Variants in MAP7 observed in about 807,000 individuals in gnomAD.
MAP7 encodes ensconsin.
A neutral mutation model predicts 94.8 loss-of-function variants in MAP7; 52 were observed. The observed-to-expected ratio is 0.55, with a 90% CI of 0.44 to 0.69. MAP7 has a LOEUF of 0.69. Ranked by LOEUF, MAP7 falls within the 30% of genes least tolerant of loss-of-function variation. The probability of loss-of-function intolerance (pLI) is 0.00; values close to 1 mark genes in which losing one functional copy is unlikely to be tolerated. For synonymous variants in MAP7, 350 were observed against 357.0 expected, an observed-to-expected ratio of 0.98 and a Z score of 0.22; for missense variants, 940 against 964.6, an observed-to-expected ratio of 0.97 and a Z score of 0.34.
Position 136,414,252 on chromosome 6 carries a change from C to CAAAAAAAAAAAAAAAA in MAP7, c.167-2571_167-2556dup, listed in dbSNP as rs559869492. Reference sequence around the variant, plus strand: ...TGGGCGACAGAGCGAGACTCCGTCTCAAAAAAAAAAAAAAAAAAAAAAAAA... The same window carrying CAAAAAAAAAAAAAAAA: ...TGGGCGACAGAGCGAGACTCCGTCTCAAAAAAAAAAAAAAAAAAAAAAAAAAAAAAAAAAAAAAAAA... On this transcript the variant is annotated intron_variant, in intron 2 of 17. Transcript: ENST00000354570. 5.2e-3 allele frequency among the ~76,000 whole-genome samples: 83 copies of CAAAAAAAAAAAAAAAA among 15,948 alleles called. 10 individuals carry two copies. Among genetic ancestry groups the CAAAAAAAAAAAAAAAA allele is most frequent in the Non-Finnish European group, 6.3e-3 (39 of 6,156 alleles). 10.5% of individuals were successfully genotyped at this position (15,948 alleles called of 152,430 possible). A position where few individuals can be genotyped will look rare whatever the true frequency, so the allele number is the denominator to read the frequency against.
chr6:136,500,597 C>T (rs1819554722), intron 1 of MAP7, among the ~76,000 whole-genome samples: 1 of 152,274 alleles, frequency 6.6e-6, no homozygotes, highest in South Asian at 2.1e-4. Flanking sequence ...GTCCTCTAAA[C>T]GTAGGAATGC....
intron 2 of MAP7, among the ~76,000 whole-genome samples, chr6:136,416,961 TAA>T (rs991259706): frequency 2.6e-5 from 4 of 151,208 alleles, no homozygotes; most frequent in Admixed American, 6.6e-5. Context: ...CCACCAAAAA[TAA>T]AAAAAATTAG....
chr6:136,411,518 G>T, intron 3 of MAP7, 102 bp downstream of exon 3: 2 of 917,966 alleles, frequency 2.2e-6, no homozygotes, highest in Non-Finnish European at 1.7e-6. Flanking sequence ...ACTAAATTCT[G>T]CCTCATAGTC....
At chr6:136,491,775 T>C (rs1442483575) in intron 1 of MAP7, among the ~76,000 whole-genome samples, 1 of 152,226 alleles carries the variant, frequency 6.6e-6, no homozygotes, top group Non-Finnish European at 1.5e-5. Flanking sequence ...ATGATGCTCC[T>C]GTAATCCTGC....
chr6:136,453,092 T>C (rs1210077333), intron 1 of MAP7, among the ~76,000 whole-genome samples: 1 of 152,186 alleles, frequency 6.6e-6, no homozygotes, highest in Non-Finnish European at 1.5e-5. Flanking sequence ...ATACGTGAAG[T>C]ATATATGTTA....
intron 11 of MAP7, 129 bp from the exon 12 acceptor site, chr6:136,361,308 T>A: frequency 1.1e-6 from 1 of 889,976 alleles, no homozygotes; most frequent in Non-Finnish European, 1.7e-6. Context: ...ACTGGATGCC[T>A]TCACCACTGC....
At chr6:136,449,764 G>A (rs558749615) in intron 1 of MAP7, among the ~76,000 whole-genome samples, 4 of 152,354 alleles carry the variant, frequency 2.6e-5, no homozygotes, top group Admixed American at 2.6e-4. Context: ...CCATAGGGAC[G>A]AAGGCATTAG....
intron 11 of MAP7, among the ~76,000 whole-genome samples, chr6:136,361,417 T>C (rs1792729967): frequency 1.3e-5 from 2 of 152,230 alleles, no homozygotes; most frequent in African/African-American, 2.4e-5. Flanking sequence ...CACCAATATC[T>C]TGGGGAGAGC....
Position 136,383,705 on chromosome 6 carries a change from A to C in MAP7, c.603T>G (p.Ser201=). 6.2e-7 allele frequency: 1 copy of C among 1,609,988 alleles called. No individual in the cohort carries two copies. ...GAGAATTTAGTAAAGTTGCAGATGA[A>C]GAGGAGAGCCGCTTGCTAATGACGG... ...VDPVISKRLS[S]SSATLLNSPD... is the part of the protein sequence containing the mutation. Residue 201 remains serine, a synonymous_variant, in exon 6 of 18, where the codon TCT becomes TCG. Transcript: ENST00000354570.
intron 2 of MAP7, among the ~76,000 whole-genome samples, chr6:136,417,878 T>C (rs987151559): frequency 3.3e-5 from 5 of 152,236 alleles, no homozygotes; most frequent in African/African-American, 1.2e-4. Context: ...TCAGTGGCTC[T>C]TTTAAAGACT....
intron 1 of MAP7, 34 bp from the exon 2 acceptor site, chr6:136,421,833 T>C: frequency 6.6e-7 from 1 of 1,515,618 alleles, no homozygotes; most frequent in Non-Finnish European, 9.0e-7. Context: ...AAAGACACAT[T>C]TAGTTTCTTA....
At chr6:136,384,477 A>C (rs1310928717) in intron 5 of MAP7, among the ~76,000 whole-genome samples, 1 of 151,944 alleles carries the variant, frequency 6.6e-6, no homozygotes, top group African/African-American at 2.4e-5. Flanking sequence ...TCCTATAGTC[A>C]AGTAATTTTA....
At chr6:136,470,859 A>C in intron 1 of MAP7, among the ~76,000 whole-genome samples, 1 of 151,988 alleles carries the variant, frequency 6.6e-6, no homozygotes, top group Non-Finnish European at 1.5e-5. Flanking sequence ...AAAAAATTGC[A>C]CTTACAGTGT....
intron 1 of MAP7, among the ~76,000 whole-genome samples, chr6:136,528,064 G>A (rs1032736060): frequency 1.3e-5 from 2 of 152,200 alleles, no homozygotes; most frequent in Non-Finnish European, 2.9e-5. Context: ...TTTTACATGC[G>A]AGGAAGCTGA....
At chr6:136,408,679 G>C (rs976726369) in intron 3 of MAP7, among the ~76,000 whole-genome samples, 2 of 151,960 alleles carry the variant, frequency 1.3e-5, no homozygotes, top group South Asian at 2.1e-4. Flanking sequence ...TTTGAAAGTT[G>C]GTAAGAGTTG....
chr6:136,466,401 A>G (rs536278673), intron 1 of MAP7, among the ~76,000 whole-genome samples: 2 of 151,956 alleles, frequency 1.3e-5, no homozygotes, highest in Non-Finnish European at 2.9e-5. Flanking sequence ...ATGTTTGTCT[A>G]GTTTGCTACT....
chr6:136,415,121 A>T (rs556819472), intron 2 of MAP7, among the ~76,000 whole-genome samples: 23 of 151,764 alleles, frequency 1.5e-4, no homozygotes, highest in Admixed American at 8.5e-4. Context: ...AATTAAAAAA[A>T]TTTTTTTTGT....
intron 1 of MAP7, among the ~76,000 whole-genome samples, chr6:136,529,692 C>T (rs1039437128): frequency 3.3e-5 from 5 of 152,102 alleles, no homozygotes; most frequent in African/African-American, 7.2e-5. Flanking sequence ...CTTTATATTG[C>T]GTAAAAATAT....
chr6:136,496,218 G>C (rs760064714), intron 1 of MAP7, among the ~76,000 whole-genome samples: 1 of 152,176 alleles, frequency 6.6e-6, no homozygotes, highest in Non-Finnish European at 1.5e-5. Context: ...ATATCCACTG[G>C]GGGACATTGT....
Sources: allele counts gnomAD v4.1 joint callset (sites outside exome capture counted in the v4.1 genomes callset), GRCh38; gene constraint gnomAD v4.1.1; transcripts MANE v1.5; gene names NCBI Gene and HGNC (gene_info 2026-07-23, HGNC 2026-07-21).